ITFG1: variants seen among roughly 807,000 people sequenced by gnomAD.
The protein encoded by ITFG1 is integrin alpha FG-GAP repeat containing 1, also known as T-cell immunomodulatory protein.
In ITFG1, 34 loss-of-function variants were observed where a neutral mutation model predicts 81.8. The ratio of observed to expected loss-of-function variants is 0.42; its 90% CI spans 0.32 to 0.55. The LOEUF is 0.55. ITFG1 is among the 20% of genes least tolerant of loss of function. The pLI is 0.17. For missense variants in ITFG1, 672 were observed against 755.4 expected, an observed-to-expected ratio of 0.89 and a Z score of 1.29; for synonymous variants, 285 against 270.6, an observed-to-expected ratio of 1.05 and a Z score of -0.52.
intron 12 of ITFG1, among the ~76,000 whole-genome samples, chr16:47,245,374 A>G (rs1408928401): frequency 6.6e-6 from 1 of 152,142 alleles, no homozygotes; most frequent in African/African-American, 2.4e-5. Context: ...TATGTAGATG[A>G]AATCATACTA....
chr16:47,243,554 T>G (rs914103707), intron 12 of ITFG1, among the ~76,000 whole-genome samples: 1 of 152,156 alleles, frequency 6.6e-6, no homozygotes, highest in Admixed American at 6.5e-5. Flanking sequence ...TATGAAATAC[T>G]GGAAACCAGA....
At chr16:47,391,882 T>C (rs1968535891) in intron 6 of ITFG1, among the ~76,000 whole-genome samples, 1 of 152,228 alleles carries the variant, frequency 6.6e-6, no homozygotes, top group Non-Finnish European at 1.5e-5. Context: ...CATAGACATA[T>C]ACACCTATCC....
At chr16:47,352,121 A>G (rs960525914) in intron 8 of ITFG1, among the ~76,000 whole-genome samples, 4 of 152,144 alleles carry the variant, frequency 2.6e-5, no homozygotes, top group African/African-American at 9.7e-5. Context: ...AAAAACCTAG[A>G]CAATACCATT....
At chr16:47,289,550 TTC>T (rs1444923848) in intron 10 of ITFG1, among the ~76,000 whole-genome samples, 1 of 152,180 alleles carries the variant, frequency 6.6e-6, no homozygotes, top group East Asian at 1.9e-4. Context: ...TGTTCAGGTA[TTC>T]TGTTTCTTCT....
chr16:47,318,100 C>T (rs1051029438), intron 8 of ITFG1, among the ~76,000 whole-genome samples: 11 of 151,878 alleles, frequency 7.2e-5, no homozygotes, highest in East Asian at 5.8e-4. Flanking sequence ...TAATCAGGCA[C>T]GCAATCTTAA....
At chr16:47,365,573 T>C (rs1203591315) in intron 8 of ITFG1, 1 of 447,968 alleles carries the variant, frequency 2.2e-6, no homozygotes, top group East Asian at 3.2e-5. Context: ...AGTATCAAAC[T>C]ATTTTTTAAA....
In ITFG1 at chr16:47,184,993, A is replaced by G. The variant is rs555396858; in HGVS notation, c.1454-22329T>C. 5.4e-3 allele frequency among the ~76,000 whole-genome samples: 817 copies of G among 151,690 alleles called. 5 individuals carry two copies. Among genetic ancestry groups the G allele is most frequent in the African/African-American group, 0.019 (783 of 41,310 alleles). On this transcript the variant is annotated intron_variant, in intron 14 of 17. Transcript: ENST00000320640. ...GGGTTGCAATCCTAGTCTCTGATAA[A>G]ACAGACTTTAAACCAACAAAGATCA...
intron 7 of ITFG1, among the ~76,000 whole-genome samples, chr16:47,367,464 G>A (rs1968191500): frequency 6.6e-6 from 1 of 152,150 alleles, no homozygotes; most frequent in Admixed American, 6.5e-5. Context: ...TTATTTTGGG[G>A]TTGCCATCCA....
intron 10 of ITFG1, among the ~76,000 whole-genome samples, chr16:47,289,249 TTG>T (rs1966882913): frequency 6.6e-6 from 1 of 152,176 alleles, no homozygotes; most frequent in African/African-American, 2.4e-5. Context: ...TGAATTCAGT[TTG>T]TGAGTATTTA....
chr16:47,166,839 A>G (rs1964896674), intron 14 of ITFG1, among the ~76,000 whole-genome samples: 1 of 152,214 alleles, frequency 6.6e-6, no homozygotes, highest in Admixed American at 6.5e-5. Context: ...AAAGAGTAGT[A>G]AGTTTAGAAC....
chr16:47,386,429 G>A (rs1380339763), intron 6 of ITFG1, among the ~76,000 whole-genome samples: 1 of 152,102 alleles, frequency 6.6e-6, no homozygotes, highest in Non-Finnish European at 1.5e-5. Flanking sequence ...AACTTCTTGC[G>A]GGGCAGGCCA....
intron 10 of ITFG1, chr16:47,263,344 C>A: frequency 2.1e-6 from 1 of 478,136 alleles, no homozygotes; most frequent in Non-Finnish European, 4.3e-6. Context: ...ATGATCTGGC[C>A]CATGAGGTAA....
chr16:47,456,100 G>A (rs1190532661), intron 2 of ITFG1, among the ~76,000 whole-genome samples: 5 of 151,942 alleles, frequency 3.3e-5, no homozygotes, highest in Non-Finnish European at 7.4e-5. Flanking sequence ...TTTGGGAGGC[G>A]AAGGTGGGAG....
At chr16:47,441,920 T>C (rs983994941) in intron 5 of ITFG1, among the ~76,000 whole-genome samples, 11 of 152,002 alleles carry the variant, frequency 7.2e-5, no homozygotes, top group South Asian at 2.1e-4. Flanking sequence ...TGATTGTATA[T>C]CTAGAAAACC....
intron 6 of ITFG1, among the ~76,000 whole-genome samples, chr16:47,390,038 A>G (rs967992641): frequency 6.6e-6 from 1 of 152,250 alleles, no homozygotes; most frequent in Non-Finnish European, 1.5e-5. Context: ...TAGTTTGGGT[A>G]CAAAGCTTAA....
chr16:47,457,752 A>T (rs982892557), intron 2 of ITFG1, among the ~76,000 whole-genome samples: 2 of 152,202 alleles, frequency 1.3e-5, no homozygotes, highest in African/African-American at 4.8e-5. Context: ...ATCAGAACAC[A>T]TGCCATTTAC....
At chr16:47,238,160 T>G in intron 12 of ITFG1, 152 bp from the exon 13 acceptor site, 2 of 556,340 alleles carry the variant, frequency 3.6e-6, no homozygotes, top group East Asian at 7.0e-5. Context: ...CAAATTAAAG[T>G]TCTGTTGTTC....
chr16:47,457,511 T>C (rs1281889302), intron 2 of ITFG1, among the ~76,000 whole-genome samples: 1 of 152,016 alleles, frequency 6.6e-6, no homozygotes, highest in Non-Finnish European at 1.5e-5. Flanking sequence ...TTCAAGAAAA[T>C]TAGTGTAAAA....
At chr16:47,198,970 T>G (rs1460472233) in intron 14 of ITFG1, among the ~76,000 whole-genome samples, 1 of 152,166 alleles carries the variant, frequency 6.6e-6, no homozygotes, top group Non-Finnish European at 1.5e-5. Flanking sequence ...AGAAAAATAT[T>G]TTTTAAAACA....
Sources: allele counts gnomAD v4.1 joint callset (sites outside exome capture counted in the v4.1 genomes callset), GRCh38; gene constraint gnomAD v4.1.1; transcripts MANE v1.5; gene names NCBI Gene and HGNC (gene_info 2026-07-23, HGNC 2026-07-21).